Variants in MTOR observed in about 807,000 individuals in gnomAD.
MTOR encodes mechanistic target of rapamycin kinase, also known as serine/threonine-protein kinase mTOR.
A neutral mutation model predicts 319.8 loss-of-function variants in MTOR; 70 were observed. The ratio of observed to expected loss-of-function variants is 0.22; its 90% CI spans 0.18 to 0.27. The LOEUF (loss-of-function observed/expected upper bound fraction) is 0.27. MTOR is among the 10% of genes least tolerant of loss of function. The pLI is 1.00. For missense variants in MTOR, 1,890 were observed against 3,274.4 expected, an observed-to-expected ratio of 0.58 and a Z score of 10.32; for synonymous variants, 1,183 against 1,211.4, an observed-to-expected ratio of 0.98 and a Z score of 0.49.
chr1:11,175,544 T>C (rs1027025260), intron 28 of MTOR, among the ~76,000 whole-genome samples: 1 of 152,138 alleles, frequency 6.6e-6, no homozygotes, highest in African/African-American at 2.4e-5. Flanking sequence ...CATCACACCA[T>C]TACGCTGAAC....
chr1:11,253,248 C>T lies in MTOR; in HGVS notation c.840+591G>A, dbSNP rs566757894. On this transcript the variant is annotated intron_variant, in intron 6 of 57. Transcript: ENST00000361445. The stretch of plus-strand genomic sequence containing the variant: ...AAAATCCATGCACTTTTAAATCCAC[C>T]TTCTCAAGCCAACACATCTCCTAAT... Among the ~76,000 whole-genome samples the T allele has an allele frequency of 9.7e-4, 148 of 152,258 alleles. 1 individual carries two copies. Among genetic ancestry groups the T allele is most frequent in the South Asian group, 5.0e-3 (24 of 4,824 alleles).
At chr1:11,208,966 A>G (rs1646224931) in intron 25 of MTOR, among the ~76,000 whole-genome samples, 1 of 152,234 alleles carries the variant, frequency 6.6e-6, no homozygotes, top group Non-Finnish European at 1.5e-5. Context: ...AAGTTTGAAA[A>G]GCACTGTTTG....
chr1:11,124,981 G>A (rs74827652), intron 46 of MTOR, among the ~76,000 whole-genome samples: 4,270 of 151,748 alleles, frequency 0.028, 157 homozygotes, highest in Admixed American at 0.07. Context: ...CCACTTGGGC[G>A]TGGCCAATGG....
At chr1:11,238,281 T>C (rs889586298) in intron 12 of MTOR, 121 bp downstream of exon 12, 9 of 1,089,940 alleles carry the variant, frequency 8.3e-6, no homozygotes, top group Admixed American at 4.0e-5. Flanking sequence ...GGCAGAGAAA[T>C]AGCTGAATAT....
At position 11,133,291 on chromosome 1, in the gene MTOR, T is replaced by C. The variant is rs1643249510; in HGVS notation, c.5247-94A>G. The C allele has an allele frequency of 3.9e-5, 43 of 1,094,114 alleles. No individual in the cohort carries two copies. Among genetic ancestry groups the C allele is most frequent in the Non-Finnish European group, 5.2e-5 (38 of 727,976 alleles). 67.8% of individuals were successfully genotyped at this position (1,094,114 alleles called of 1,614,324 possible). A position where few individuals can be genotyped will look rare whatever the true frequency, so the allele number is the denominator to read the frequency against. Reference sequence around the variant, plus strand: ...TTGTTAGGGGACACTGAAGCCCTTCTGGTATTTCCTCTTATTCTCAAGAGG... The same window carrying C: ...TTGTTAGGGGACACTGAAGCCCTTCCGGTATTTCCTCTTATTCTCAAGAGG... On this transcript the variant is annotated intron_variant, in intron 37 of 57. Transcript: ENST00000361445. This position sits in a 1 kb window ranked among gnomAD's most constrained non-coding sequence, Gnocchi z 4.0.
At position 11,238,512 on chromosome 1, in the gene MTOR, G is replaced by A. The variant is rs1469897317; in HGVS notation, c.1892C>T (p.Thr631Ile). 4 of 1,614,126 alleles carry A rather than the reference G, an allele frequency of 2.5e-6. No homozygotes were observed. The highest frequency in any genetic ancestry group is 3.4e-6 in the Non-Finnish European group (4 of 1,180,048). ...EAARTCSRLL[T>I]PSIHLISGHA... Reference sequence around the variant, plus strand: ...GCCACTGATGAGGTGGATGGAGGGTGTGAGCAGGCGGGAGCAGGTGCGGGC... The same window carrying A: ...GCCACTGATGAGGTGGATGGAGGGTATGAGCAGGCGGGAGCAGGTGCGGGC... The change falls in exon 12 of 58, where the codon ACA (threonine) becomes ATA (isoleucine). Residue 631 changes from threonine to isoleucine, a missense_variant. Physicochemically the swap from Thr to Ile is moderately conservative, Grantham distance 89. This residue lies in a region of MTOR where 418 missense variants were observed against 543.1 expected (regional missense o/e 0.77). Coordinates refer to ENST00000361445, the MANE Select transcript of MTOR (RefSeq NM_004958.4).
chr1:11,195,210 G>A, intron 28 of MTOR: 2 of 674,044 alleles, frequency 3.0e-6, no homozygotes, highest in Non-Finnish European at 4.9e-6. Flanking sequence ...CAGTAAACAG[G>A]ATGAACTATT....
At chr1:11,167,415 C>T (rs771837113) in intron 29 of MTOR, 27 bp downstream of exon 29, 1 of 1,602,528 alleles carries the variant, frequency 6.2e-7, no homozygotes, top group South Asian at 1.1e-5. Context: ...CTACCTCCTG[C>T]TTTTCCAAAA....
intron 28 of MTOR, among the ~76,000 whole-genome samples, chr1:11,176,319 G>A (rs770246436): frequency 6.6e-6 from 1 of 152,154 alleles, no homozygotes; most frequent in Non-Finnish European, 1.5e-5. Context: ...TTGGTGCCGC[G>A]TGACCTCTGG....
Position 11,115,890 on chromosome 1 carries a change from C to T in MTOR, c.7017-422G>A, listed in dbSNP as rs576710041. ...TCATTTCTGGCAGCACTGGCACCTTCTGGTGACAAGGCTCTATCATTTTTA... is the reference window on the plus strand; with the variant it reads ...TCATTTCTGGCAGCACTGGCACCTTTTGGTGACAAGGCTCTATCATTTTTA... On this transcript the variant is annotated intron_variant, in intron 50 of 57. Coordinates refer to ENST00000361445, the MANE Select transcript of MTOR (RefSeq NM_004958.4). This position sits in a 1 kb window ranked among gnomAD's most constrained non-coding sequence, Gnocchi z 4.5. 1.3e-5 allele frequency among the ~76,000 whole-genome samples: 2 copies of T among 152,340 alleles called. No individual in the cohort carries two copies. The highest frequency in any genetic ancestry group is 6.5e-5 in the Admixed American group (1 of 15,300).
At chr1:11,241,479 T>C (rs2100914255) in intron 10 of MTOR, 74 bp downstream of exon 10, 1 of 1,516,958 alleles carries the variant, frequency 6.6e-7, no homozygotes, top group Non-Finnish European at 8.9e-7. Flanking sequence ...CCATGCCTCA[T>C]TCTTTTAACA....
At chr1:11,150,068 C>T (rs762719789) in intron 31 of MTOR, 58 bp downstream of exon 31, 43 of 1,487,618 alleles carry the variant, frequency 2.9e-5, no homozygotes, top group Middle Eastern at 2.3e-4. Flanking sequence ...TCTTCTGATG[C>T]GAGCCCCTAG....
intron 50 of MTOR, 41 bp downstream of exon 50, chr1:11,116,963 A>C: frequency 6.9e-7 from 1 of 1,454,432 alleles, no homozygotes. Context: ...GAAAACTACA[A>C]TGGAGAAAGA....
chr1:11,189,748 G>A (rs1645452530), intron 28 of MTOR: 2 of 1,614,036 alleles, frequency 1.2e-6, no homozygotes, highest in South Asian at 2.2e-5. Flanking sequence ...GGCCCAAGTT[G>A]CCAACCTTAG....
At chr1:11,248,587 A>G (rs1454631409) in intron 6 of MTOR, among the ~76,000 whole-genome samples, 2 of 152,204 alleles carry the variant, frequency 1.3e-5, no homozygotes, top group Admixed American at 1.3e-4. Context: ...CAAGGTGGGC[A>G]GATCACCTGA....
At chr1:11,178,675 A>C (rs969752345) in intron 28 of MTOR, among the ~76,000 whole-genome samples, 3 of 152,198 alleles carry the variant, frequency 2.0e-5, no homozygotes, top group African/African-American at 7.2e-5. Context: ...GCTCTGAGAG[A>C]GACTACTAGA....
In MTOR at chr1:11,129,989, C is replaced by T; in HGVS notation, c.5614-151G>A. On this transcript the variant is annotated intron_variant, in intron 39 of 57. Transcript: ENST00000361445. The surrounding 1 kb of genome is among the most constrained non-coding windows in gnomAD (Gnocchi z 4.7). ...TGAAAAATCTTTAATCATTACCTGG[C>T]ACATAGCAAAGACTCAATAAATGGC... is the stretch of plus-strand genomic sequence containing the variant. 1 of 658,780 alleles carries T rather than the reference C, an allele frequency of 1.5e-6. No homozygotes were observed. Among genetic ancestry groups the T allele is most frequent in the Admixed American group, 2.6e-5 (1 of 38,372 alleles). 40.8% of individuals were successfully genotyped at this position (658,780 alleles called of 1,614,324 possible).
At chr1:11,186,992 A>C (rs1645340720) in intron 28 of MTOR, among the ~76,000 whole-genome samples, 1 of 152,212 alleles carries the variant, frequency 6.6e-6, no homozygotes, top group South Asian at 2.1e-4. Flanking sequence ...TAAAGGCTAG[A>C]TGCTTCCAAT....
chr1:11,155,288 C>G (rs1175666442), intron 30 of MTOR, among the ~76,000 whole-genome samples: 1 of 152,098 alleles, frequency 6.6e-6, no homozygotes, highest in Admixed American at 6.6e-5. Context: ...TAAGTGAAAA[C>G]AGCAGAGTGC....
Sources: gnomAD v4.1 joint callset for allele counts (sites outside exome capture counted in the v4.1 genomes callset) on GRCh38, gnomAD v4.1.1 for gene constraint, gnomAD v4.1.1 regional missense constraint, Gnocchi (gnomAD v3.1) non-coding constraint, MANE v1.5 for transcripts, NCBI Gene and HGNC (gene_info 2026-07-23, HGNC 2026-07-21) for gene names.